The following CWH43 variants were observed in gnomAD, a reference collection of about 807,000 sequenced individuals.
The protein encoded by CWH43 is cell wall biogenesis 43 C-terminal homolog, also known as PGAP2-interacting protein.
Under a neutral mutation model 85.7 loss-of-function variants are expected in CWH43, and 91 were observed. That is an observed-to-expected ratio of 1.06 (90% confidence interval 0.90 to 1.26). CWH43 has a LOEUF of 1.26. Among genes scored for constraint, CWH43 ranks in the 50% most tolerant of loss-of-function variants. CWH43 has a pLI of 0.00. For missense variants in CWH43, 869 were observed against 839.2 expected, an observed-to-expected ratio of 1.04 and a Z score of -0.44; for synonymous variants, 323 against 293.6, an observed-to-expected ratio of 1.10 and a Z score of -1.02.
chr4:49,024,880 G>T (rs1783859605), intron 9 of CWH43, among the ~76,000 whole-genome samples: 1 of 151,932 alleles, frequency 6.6e-6, no homozygotes, highest in South Asian at 2.1e-4. Flanking sequence ...TGAGCTTCTT[G>T]TATTTGGTTG....
In CWH43 at chr4:49,032,606, C is replaced by T; in HGVS notation, c.1549C>T (p.His517Tyr). The change falls in exon 12 of 16, where the codon CAT (histidine) becomes TAT (tyrosine). Residue 517 changes from histidine (H) to tyrosine (Y), a missense_variant. By Grantham distance (83) the His-to-Tyr change is moderately conservative. Coordinates refer to ENST00000226432, the MANE Select transcript of CWH43 (RefSeq NM_025087.3). Reference protein sequence around the residue: ...LSRYPIVKSEHHLLPSPEGEI... With the variant: ...LSRYPIVKSEYHLLPSPEGEI... ...AAGATACCCAATTGTGAAATCTGAG[C>T]ATCACCTTCTTCCGTCACCAGAGGG... 6.2e-7 allele frequency: 1 copy of T among 1,614,056 alleles called. No individual in the cohort carries two copies. The highest frequency in any genetic ancestry group is 8.5e-7 in the Non-Finnish European group (1 of 1,179,948).
rs193073910 is a variant in CWH43 at position 49,012,777 on chromosome 4, G to A, written c.1187-4472G>A. On this transcript the variant is annotated intron_variant, in intron 8 of 15. Transcript: ENST00000226432. ...AGTTTGCTGGAGGTCCACTCCAGAC[G>A]TTTGCCTGGGTATCACCAGTGGAGG... Among the ~76,000 whole-genome samples the A allele has an allele frequency of 2.4e-4, 37 of 152,286 alleles. No individual in the cohort carries two copies. The East Asian group carries it at 4.8e-3, about 20-fold the overall frequency.
At chr4:49,014,611 T>G (rs992971950) in intron 8 of CWH43, among the ~76,000 whole-genome samples, 10 of 152,206 alleles carry the variant, frequency 6.6e-5, no homozygotes, top group Admixed American at 1.3e-4. Flanking sequence ...TGTCTTTTTT[T>G]TTGTTGTTGG....
intron 4 of CWH43, among the ~76,000 whole-genome samples, chr4:48,993,922 C>CT (rs368510967): frequency 0.015 from 2,129 of 146,600 alleles, 33 homozygotes; most frequent in African/African-American, 0.045. Flanking sequence ...GCCCGGCTAA[C>CT]TTTTTTTTTT....
chr4:49,060,082 G>A (rs543288643), intron 15 of CWH43, among the ~76,000 whole-genome samples: 319 of 152,196 alleles, frequency 2.1e-3, no homozygotes, highest in Non-Finnish European at 3.8e-3. Context: ...TCTGGAGCTC[G>A]GGTGGGTTAA....
chr4:49,024,898 C>T (rs1411412162), intron 9 of CWH43, among the ~76,000 whole-genome samples: 1 of 152,044 alleles, frequency 6.6e-6, no homozygotes, highest in East Asian at 1.9e-4. Context: ...TTGTCTAGAT[C>T]TCTAGCAAGG....
chr4:49,036,489 A>T (rs576043557), intron 12 of CWH43, among the ~76,000 whole-genome samples: 112 of 152,214 alleles, frequency 7.4e-4, no homozygotes, highest in African/African-American at 2.5e-3. Context: ...ATTTTTATCC[A>T]ATTCAGTCCT....
At position 49,003,993 on chromosome 4, in the gene CWH43, G is replaced by A. The variant is rs1486410126; in HGVS notation, c.1060+1G>A. 2 of 1,607,002 alleles carry A rather than the reference G, an allele frequency of 1.2e-6. No homozygotes were observed. Among genetic ancestry groups the A allele is most frequent in the Admixed American group, 1.7e-5 (1 of 59,618 alleles). On this transcript the variant is annotated splice_donor_variant, in intron 7 of 15. Coordinates refer to ENST00000226432, the MANE Select transcript of CWH43 (RefSeq NM_025087.3). LOFTEE classifies it high-confidence loss of function. ...AGAGAAAGATCAGATGTGCTTTTGG[G>A]TGAGTACATTTGAAAGGTCTGGATT...
intron 8 of CWH43, among the ~76,000 whole-genome samples, chr4:49,011,999 C>T (rs1008966930): frequency 6.6e-6 from 1 of 152,204 alleles, no homozygotes; most frequent in East Asian, 1.9e-4. Context: ...CTCTGTATTT[C>T]CTGAATTTGA....
intron 9 of CWH43, among the ~76,000 whole-genome samples, chr4:49,020,416 C>CACACACACACACACACACACACACATAT (rs140534523): frequency 1.4e-4 from 18 of 128,338 alleles, no homozygotes; most frequent in Non-Finnish European, 2.0e-4. Context: ...CACACACACA[C>CACACACACACACACACACACACACATAT]ATATATATAT....
At position 49,007,319 on chromosome 4, in the gene CWH43, G is replaced by A. The variant is rs1254703402; in HGVS notation, c.1179G>A (p.Met393Ile). 8.8e-6 allele frequency: 14 copies of A among 1,591,620 alleles called. No homozygotes were observed. The highest frequency in any genetic ancestry group is 1.1e-5 in the Non-Finnish European group (13 of 1,171,960). The change falls in exon 8 of 16, where the codon ATG (methionine) becomes ATA (isoleucine). Residue 393 changes from methionine (M) to isoleucine (I), a missense_variant. Transcript: ENST00000226432. ...TTTTCAGAAAGAGTGAAAAATACATGAAACTTTGTAAGTATAGTTTTACAT... is the reference window on the plus strand; with the variant it reads ...TTTTCAGAAAGAGTGAAAAATACATAAAACTTTGTAAGTATAGTTTTACAT... Reference protein sequence around the residue: ...KVLFRKSEKYMKLFLWLLVGV... With the variant: ...KVLFRKSEKYIKLFLWLLVGV...
intron 15 of CWH43, among the ~76,000 whole-genome samples, chr4:49,052,652 C>T (rs1380775075): frequency 6.6e-6 from 1 of 152,140 alleles, no homozygotes; most frequent in African/African-American, 2.4e-5. Context: ...CTAACCACAA[C>T]TGCAGATTGA....
chr4:49,039,098 T>A (rs367687079), intron 13 of CWH43, among the ~76,000 whole-genome samples: 1 of 112,030 alleles, frequency 8.9e-6, no homozygotes, highest in African/African-American at 2.8e-5. Flanking sequence ...AATAAATAAA[T>A]AATAAATAAA....
intron 9 of CWH43, among the ~76,000 whole-genome samples, chr4:49,026,345 A>T (rs539357011): frequency 6.6e-6 from 1 of 152,266 alleles, no homozygotes; most frequent in African/African-American, 2.4e-5. Flanking sequence ...CAGCAACAAT[A>T]CACTTCCTTC....
At position 48,994,829 on chromosome 4, in the gene CWH43, G is replaced by A; in HGVS notation, c.713+9G>A. 1 of 1,612,800 alleles carries A rather than the reference G, an allele frequency of 6.2e-7. No homozygotes were observed. Among genetic ancestry groups the A allele is most frequent in the African/African-American group, 1.3e-5 (1 of 75,014 alleles). On this transcript the variant is annotated intron_variant, in intron 5 of 15. Coordinates refer to ENST00000226432, the MANE Select transcript of CWH43 (RefSeq NM_025087.3). ...GATCCTAACCCATTTGGGTGAGTTT[G>A]GGTTTGGAAGCAATCACAAAATCGG... is the stretch of plus-strand genomic sequence containing the variant.
At chr4:49,030,443 TG>T (rs1350896597) in intron 10 of CWH43, among the ~76,000 whole-genome samples, 1 of 152,228 alleles carries the variant, frequency 6.6e-6, no homozygotes, top group African/African-American at 2.4e-5. Context: ...AACTTAGTTC[TG>T]GGTCAGTACT....
At chr4:49,019,965 A>ACC (rs1167854377) in intron 9 of CWH43, among the ~76,000 whole-genome samples, 2 of 151,948 alleles carry the variant, frequency 1.3e-5, no homozygotes, top group Non-Finnish European at 2.9e-5. Context: ...TGCACCCGTC[A>ACC]CCCAAGCAGT....
chr4:49,019,397 C>T (rs967913786), intron 9 of CWH43, among the ~76,000 whole-genome samples: 12 of 152,124 alleles, frequency 7.9e-5, no homozygotes, highest in Non-Finnish European at 1.6e-4. Context: ...AGAACGACAC[C>T]TGGTGTGTTT....
At chr4:48,993,910 G>A (rs1255273160) in intron 4 of CWH43, among the ~76,000 whole-genome samples, 1 of 151,662 alleles carries the variant, frequency 6.6e-6, no homozygotes, top group Admixed American at 6.6e-5. Flanking sequence ...GTCTGCCACC[G>A]TGCCCGGCTA....
Sources: gnomAD v4.1 joint callset for allele counts (sites outside exome capture counted in the v4.1 genomes callset) on GRCh38, gnomAD v4.1.1 for gene constraint, MANE v1.5 for transcripts, NCBI Gene and HGNC (gene_info 2026-07-23, HGNC 2026-07-21) for gene names.